Variants in WDFY4 observed in about 807,000 individuals in gnomAD.
WDFY4 encodes WD repeat- and FYVE domain-containing protein 4.
Under a neutral mutation model 351.9 loss-of-function variants are expected in WDFY4, and 169 were observed. The observed-to-expected ratio is 0.48, with a 90% CI of 0.42 to 0.55. The LOEUF (loss-of-function observed/expected upper bound fraction) is 0.55. Ranked by LOEUF, WDFY4 falls within the 20% of genes least tolerant of loss-of-function variation. The pLI, the probability that WDFY4 is intolerant of heterozygous loss-of-function variation, is 0.00. For missense variants in WDFY4, 3,803 were observed against 3,935.6 expected, an observed-to-expected ratio of 0.97 and a Z score of 0.90; for synonymous variants, 1,622 against 1,574.6, an observed-to-expected ratio of 1.03 and a Z score of -0.71.
chr10:48,866,688 T>G (rs2069555528), intron 39 of WDFY4, among the ~76,000 whole-genome samples: 1 of 152,218 alleles, frequency 6.6e-6, no homozygotes, highest in Admixed American at 6.5e-5. Flanking sequence ...TCAGTCATTC[T>G]TAGGAGGAAG....
chr10:48,873,512 A>G lies in WDFY4; in HGVS notation c.6763A>G (p.Lys2255Glu), dbSNP rs1564437004. 1.3e-6 allele frequency: 2 copies of G among 1,550,936 alleles called. No individual in the cohort carries two copies. Among genetic ancestry groups the G allele is most frequent in the Admixed American group, 2.0e-5 (1 of 50,872 alleles). The change falls in exon 41 of 62, where the codon AAG (lysine) becomes GAG (glutamate). Residue 2255 changes from lysine (K) to glutamate (E), a missense_variant. By Grantham distance (56) the Lys-to-Glu change is moderately conservative (BLOSUM62 1). Coordinates refer to ENST00000325239, the MANE Select transcript of WDFY4 (RefSeq NM_001394531.1). ...CCAGAGGCGAAAATGTGGCAACATC[A>G]AGGCAGCCAACGCCTGGGCCAGGAT... Reference protein sequence around the residue: ...HVQRRKCGNIKAANAWARIQE... With the variant: ...HVQRRKCGNIEAANAWARIQE...
In WDFY4 at chr10:48,923,496, G is replaced by GTATATATA. The variant is rs374289050; in HGVS notation, c.7587-18300_7587-18293dup. On this transcript the variant is annotated intron_variant, in intron 47 of 61. Coordinates refer to ENST00000325239, the MANE Select transcript of WDFY4 (RefSeq NM_001394531.1). ...TCAGGTAAACAACAAATAGTTTTTA[G>GTATATATA]TATATATATATATATATGTCCCAAA... Among the ~76,000 whole-genome samples the GTATATATA allele has an allele frequency of 2.9e-3, 182 of 63,246 alleles. 16 individuals are homozygous for GTATATATA. Among genetic ancestry groups the GTATATATA allele is most frequent in the African/African-American group, 6.0e-3 (174 of 28,884 alleles). 41.5% of individuals were successfully genotyped at this position (63,246 alleles called of 152,430 possible). A position where few individuals can be genotyped will look rare whatever the true frequency, so the allele number is the denominator to read the frequency against.
intron 47 of WDFY4, among the ~76,000 whole-genome samples, chr10:48,922,038 C>T (rs528357638): frequency 6.6e-5 from 10 of 152,302 alleles, no homozygotes; most frequent in Non-Finnish European, 1.2e-4. Flanking sequence ...CTGCTCTATT[C>T]ATAATTGCCC....
chr10:48,728,236 A>G (rs1358548540), intron 7 of WDFY4, among the ~76,000 whole-genome samples: 1 of 152,210 alleles, frequency 6.6e-6, no homozygotes, highest in Non-Finnish European at 1.5e-5. Flanking sequence ...TCAACTCCCA[A>G]GTGAACTACC....
chr10:48,716,541 C>G (rs530958335), intron 2 of WDFY4, among the ~76,000 whole-genome samples: 13 of 152,268 alleles, frequency 8.5e-5, no homozygotes, highest in South Asian at 8.3e-4. Context: ...CCCCATGGTA[C>G]CATTTAGTAA....
chr10:48,970,539 G>T (rs1842292895), intron 57 of WDFY4, among the ~76,000 whole-genome samples: 1 of 152,216 alleles, frequency 6.6e-6, no homozygotes, highest in Non-Finnish European at 1.5e-5. Flanking sequence ...ACACAGGGCA[G>T]GTGCCTCCAC....
chr10:48,784,394 C>T (rs2066326263), intron 19 of WDFY4, among the ~76,000 whole-genome samples: 1 of 152,076 alleles, frequency 6.6e-6, no homozygotes, highest in Non-Finnish European at 1.5e-5. Context: ...TAATATCTCA[C>T]TGTGTTTTTA....
chr10:48,811,729 C>T (rs1276167063), intron 30 of WDFY4, 21 bp downstream of exon 30: 17 of 1,548,456 alleles, frequency 1.1e-5, no homozygotes, highest in Non-Finnish European at 1.5e-5. Flanking sequence ...AGAGCACCCA[C>T]AGGGTGACAC....
intron 51 of WDFY4, among the ~76,000 whole-genome samples, chr10:48,951,098 G>A (rs1037974656): frequency 6.6e-6 from 1 of 152,238 alleles, no homozygotes; most frequent in Non-Finnish European, 1.5e-5. Context: ...CTGGGTATAA[G>A]GAGTGTTTTA....
intron 52 of WDFY4, among the ~76,000 whole-genome samples, chr10:48,957,591 T>G (rs1841657822): frequency 6.6e-6 from 1 of 152,222 alleles, no homozygotes; most frequent in Non-Finnish European, 1.5e-5. Context: ...AGCCCAGGCC[T>G]GGCACTGCCT....
At position 48,743,563 on chromosome 10, in the gene WDFY4, C is replaced by A; in HGVS notation, c.2459+15C>A. 1 of 1,526,322 alleles carries A rather than the reference C, an allele frequency of 6.6e-7. No individual in the cohort carries two copies. The allele number at this position is 1,526,322 out of a possible 1,614,324, so 94.5% of individuals were successfully genotyped here. A position where few individuals can be genotyped will look rare whatever the true frequency, so the allele number is the denominator to read the frequency against. On this transcript the variant is annotated intron_variant, in intron 12 of 61. Coordinates refer to ENST00000325239, the MANE Select transcript of WDFY4 (RefSeq NM_001394531.1). ...CTGGAGGAGAGGTAGCTTCTTCTGC[C>A]AGTGTGTCATCAGTGCATCTCTGTC...
intron 12 of WDFY4, 26 bp from the exon 13 acceptor site, chr10:48,760,321 A>C: frequency 6.5e-7 from 1 of 1,548,780 alleles, no homozygotes; most frequent in Non-Finnish European, 8.7e-7. Flanking sequence ...TCCGTGTCTC[A>C]TGTCTGGCTC....
At chr10:48,887,299 G>T (rs539316996) in intron 43 of WDFY4, among the ~76,000 whole-genome samples, 6 of 152,338 alleles carry the variant, frequency 3.9e-5, no homozygotes, top group African/African-American at 1.4e-4. Context: ...TGAACCTGAG[G>T]TTGGGGTCTC....
intron 40 of WDFY4, among the ~76,000 whole-genome samples, chr10:48,869,553 T>G (rs992074234): frequency 6.6e-6 from 1 of 152,206 alleles, no homozygotes; most frequent in Non-Finnish European, 1.5e-5. Flanking sequence ...TTTTTTTTTT[T>G]TTTGATCCAG....
At chr10:48,940,883 C>G (rs1840717040) in intron 47 of WDFY4, among the ~76,000 whole-genome samples, 1 of 152,112 alleles carries the variant, frequency 6.6e-6, no homozygotes, top group Admixed American at 6.5e-5. Context: ...CCCTTTTTTC[C>G]TACCAGGGCA....
chr10:48,741,639 G>A (rs1343542172), intron 11 of WDFY4, among the ~76,000 whole-genome samples: 1 of 152,000 alleles, frequency 6.6e-6, no homozygotes. Flanking sequence ...TCATACTACA[G>A]ACTGTTGCTT....
Position 48,732,638 on chromosome 10 carries a change from G to A in WDFY4, c.1582+1076G>A, listed in dbSNP as rs546835583. On this transcript the variant is annotated intron_variant, in intron 9 of 61. Coordinates refer to ENST00000325239, the MANE Select transcript of WDFY4 (RefSeq NM_001394531.1). ...GAAAGTGACTTAACCCGTACGAGCC[G>A]TGTCTTCCTCGGTAAAACAGGGTAA... is the stretch of plus-strand genomic sequence containing the variant. 1.3e-4 allele frequency among the ~76,000 whole-genome samples: 20 copies of A among 152,336 alleles called. No individual in the cohort carries two copies. In the South Asian group the frequency reaches 2.9e-3, roughly 22 times the overall value.
chr10:48,709,558 CT>C, intron 1 of WDFY4, 157 bp from the exon 2 acceptor site: 1 of 652,276 alleles, frequency 1.5e-6, no homozygotes, highest in Non-Finnish European at 2.6e-6. Context: ...TCTGAATCCC[CT>C]TTTTAAAAAG....
chr10:48,760,598 G>C (rs1421409553), intron 13 of WDFY4, among the ~76,000 whole-genome samples, 158 bp downstream of exon 13: 1 of 152,170 alleles, frequency 6.6e-6, no homozygotes, highest in Admixed American at 6.5e-5. Context: ...AAAGTACCAG[G>C]GTGTCCTGGA....
Sources: allele counts gnomAD v4.1 joint callset (sites outside exome capture counted in the v4.1 genomes callset), GRCh38; gene constraint gnomAD v4.1.1; transcripts MANE v1.5; gene names NCBI Gene and HGNC (gene_info 2026-07-23, HGNC 2026-07-21).